MAP4K3: variants seen among roughly 807,000 people sequenced by gnomAD.
MAP4K3 encodes MAPK/ERK kinase kinase kinase 3.
MAP4K3 carries 94 observed loss-of-function variants against 143.5 expected under a neutral mutation model. That is an observed-to-expected ratio of 0.65 (90% CI 0.55 to 0.78). The LOEUF is 0.78. Among genes scored for constraint, MAP4K3 ranks in the 30% least tolerant of loss-of-function variants. MAP4K3 has a pLI of 0.00. For synonymous variants in MAP4K3, 416 were observed against 347.2 expected (o/e 1.20, Z -2.20); for missense variants, 1,077 against 1,068.1 (o/e 1.01, Z -0.12).
chr2:39,309,414 T>G (rs758338807), intron 14 of MAP4K3, 47 bp downstream of exon 14: 1 of 1,403,596 alleles, frequency 7.1e-7, no homozygotes, highest in Non-Finnish European at 9.9e-7. Context: ...AAAAACAAAT[T>G]AAAACATTTA....
At chr2:39,395,167 A>G (rs1460457331) in intron 1 of MAP4K3, among the ~76,000 whole-genome samples, 1 of 152,254 alleles carries the variant, frequency 6.6e-6, no homozygotes, top group Non-Finnish European at 1.5e-5. Context: ...ACACCAACAC[A>G]TAATGAAGTA....
At chr2:39,409,516 C>T (rs1463809693) in intron 1 of MAP4K3, among the ~76,000 whole-genome samples, 1 of 152,142 alleles carries the variant, frequency 6.6e-6, no homozygotes, top group East Asian at 1.9e-4. Flanking sequence ...ATCATTTGAA[C>T]CCAGAAGTTT....
In MAP4K3 at chr2:39,272,366, T is replaced by C. The variant is rs2148454981; in HGVS notation, c.1890A>G (p.Pro630=). The C allele has an allele frequency of 6.2e-7, 1 of 1,613,734 alleles. No homozygotes were observed. Among genetic ancestry groups the C allele is most frequent in the Non-Finnish European group, 8.5e-7 (1 of 1,179,804 alleles). ...KASQLYSHNL[P]GLFDYARQMQ... ...TTTGTCTTGCATAATCAAAAAGCCCTGGTAAATTATGGGAATAAAGCTGAG... is the reference window on the plus strand; with the variant it reads ...TTTGTCTTGCATAATCAAAAAGCCCCGGTAAATTATGGGAATAAAGCTGAG... Residue 630 remains proline, a synonymous_variant, in exon 26 of 34, where the codon CCA becomes CCG. Transcript: ENST00000263881.
At chr2:39,259,823 A>G (rs1322428692) in intron 29 of MAP4K3, among the ~76,000 whole-genome samples, 1 of 152,186 alleles carries the variant, frequency 6.6e-6, no homozygotes, top group Non-Finnish European at 1.5e-5. Context: ...TATTAATTTA[A>G]TTATTTCCAA....
intron 4 of MAP4K3, among the ~76,000 whole-genome samples, chr2:39,341,948 T>G (rs1049920946): frequency 6.6e-6 from 1 of 151,856 alleles, no homozygotes; most frequent in Non-Finnish European, 1.5e-5. Flanking sequence ...AAAGTAACTT[T>G]TCATAAAGCA....
intron 12 of MAP4K3, chr2:39,323,792 TAACA>T (rs1348974657): frequency 6.6e-6 from 1 of 152,064 alleles, no homozygotes; most frequent in Non-Finnish European, 1.5e-5. Flanking sequence ...AAAAGTTCAT[TAACA>T]AAGAAATGAA....
At chr2:39,279,318 C>G (rs781778119) in intron 23 of MAP4K3, among the ~76,000 whole-genome samples, 14 of 152,104 alleles carry the variant, frequency 9.2e-5, no homozygotes, top group Non-Finnish European at 1.5e-4. Flanking sequence ...TGTGGTCAGA[C>G]AGTATTGGAT....
chr2:39,251,291 TGGTTTTAG>T (rs1055073000), intron 33 of MAP4K3, among the ~76,000 whole-genome samples: 19 of 152,348 alleles, frequency 1.2e-4, no homozygotes, highest in Admixed American at 1.3e-4. Flanking sequence ...GATCAAAGGT[TGGTTTTAG>T]GACAACATGA....
chr2:39,277,762 C>T (rs951042810), intron 24 of MAP4K3, among the ~76,000 whole-genome samples: 4 of 150,070 alleles, frequency 2.7e-5, no homozygotes, highest in Admixed American at 6.7e-5. Context: ...GACAGGGTTT[C>T]ACCATGTTGG....
At chr2:39,391,996 C>G (rs1015133495) in intron 1 of MAP4K3, among the ~76,000 whole-genome samples, 1 of 151,928 alleles carries the variant, frequency 6.6e-6, no homozygotes, top group African/African-American at 2.4e-5. Context: ...TCCTGGCCAA[C>G]ACGGTGAAAC....
chr2:39,437,027 G>C lies in MAP4K3; in HGVS notation c.-40C>G. On this transcript the variant is annotated 5_prime_UTR_variant, in exon 1 of 34. Coordinates refer to ENST00000263881, the MANE Select transcript of MAP4K3 (RefSeq NM_003618.4). Reference sequence around the variant, plus strand: ...GCCCCCCGCCTCCCTCCCGGGCAGGGGAGGGGGGCCGCTCAGGGGGCCACA... The same window carrying C: ...GCCCCCCGCCTCCCTCCCGGGCAGGCGAGGGGGGCCGCTCAGGGGGCCACA... The C allele has an allele frequency of 6.5e-7, 1 of 1,547,504 alleles. No individual in the cohort carries two copies. Among genetic ancestry groups the C allele is most frequent in the Non-Finnish European group, 8.8e-7 (1 of 1,130,008 alleles).
intron 21 of MAP4K3, chr2:39,283,782 C>G (rs1238056390): frequency 6.6e-6 from 1 of 152,160 alleles, no homozygotes; most frequent in Non-Finnish European, 1.5e-5. Context: ...TGAGAGGGAA[C>G]CCCCTGGGTA....
chr2:39,305,678 C>T (rs773457822), intron 15 of MAP4K3, among the ~76,000 whole-genome samples: 29 of 152,160 alleles, frequency 1.9e-4, no homozygotes, highest in Non-Finnish European at 4.1e-4. Context: ...AGACCCCTGT[C>T]AAATGCTCCC....
intron 2 of MAP4K3, among the ~76,000 whole-genome samples, chr2:39,362,080 G>GA (rs1457537095): frequency 6.6e-6 from 1 of 151,888 alleles, no homozygotes. Context: ...GTTGAATCCT[G>GA]AAAAAATTAT....
chr2:39,255,025 T>C (rs1293269733), intron 31 of MAP4K3, among the ~76,000 whole-genome samples: 2 of 152,210 alleles, frequency 1.3e-5, no homozygotes, highest in African/African-American at 4.8e-5. Flanking sequence ...ATCCCCTATG[T>C]ACCCTGCCCT....
chr2:39,403,132 T>C (rs1337748968), intron 1 of MAP4K3, among the ~76,000 whole-genome samples: 1 of 152,110 alleles, frequency 6.6e-6, no homozygotes, highest in East Asian at 1.9e-4. Context: ...GAAAATATTT[T>C]ACAGAAACTC....
Position 39,256,628 on chromosome 2 carries a change from A to T in MAP4K3, c.2470+1720T>A, listed in dbSNP as rs80311284. On this transcript the variant is annotated intron_variant, in intron 31 of 33. Coordinates refer to ENST00000263881, the MANE Select transcript of MAP4K3 (RefSeq NM_003618.4). ...TGATAATGTGTAATTCTATTTGCTA[A>T]TATTTTATTTAGATTTTTAAAAATG... Among the ~76,000 whole-genome samples, 261 of 152,206 alleles carry T rather than the reference A, an allele frequency of 1.7e-3. 6 individuals carry two copies. The East Asian group carries it at 0.025, about 14-fold the overall frequency.
chr2:39,361,847 G>A (rs1199411915), intron 2 of MAP4K3, among the ~76,000 whole-genome samples: 1 of 151,806 alleles, frequency 6.6e-6, no homozygotes, highest in African/African-American at 2.4e-5. Flanking sequence ...AGATGCTTCT[G>A]GAAAACCATG....
intron 22 of MAP4K3, among the ~76,000 whole-genome samples, chr2:39,281,150 G>A (rs1681508826): frequency 6.6e-6 from 1 of 152,052 alleles, no homozygotes; most frequent in African/African-American, 2.4e-5. Flanking sequence ...AAATATTTTT[G>A]GTCAGAGAAA....
Sources: allele counts gnomAD v4.1 joint callset (sites outside exome capture counted in the v4.1 genomes callset), GRCh38; gene constraint gnomAD v4.1.1; transcripts MANE v1.5; gene names NCBI Gene and HGNC (gene_info 2026-07-23, HGNC 2026-07-21).